ACBD6: variants seen among roughly 807,000 people sequenced by gnomAD.
ACBD6 encodes acyl-CoA-binding domain-containing protein 6.
Under a neutral mutation model 37.2 loss-of-function variants are expected in ACBD6, and 28 were observed. The observed-to-expected ratio is 0.75, with a 90% CI of 0.56 to 1.03. ACBD6 has a LOEUF of 1.03. Among genes scored for constraint, ACBD6 ranks in the 50% least tolerant of loss-of-function variants. ACBD6 has a pLI of 0.00. For missense variants in ACBD6, 340 were observed against 337.4 expected (o/e 1.01, Z -0.06); for synonymous variants, 113 against 126.8 (o/e 0.89, Z 0.73).
At chr1:180,418,783 T>G (rs995436382) in intron 4 of ACBD6, among the ~76,000 whole-genome samples, 5 of 152,206 alleles carry the variant, frequency 3.3e-5, no homozygotes, top group Non-Finnish European at 7.3e-5. Context: ...CAAATGAGAA[T>G]CTATACTATG....
intron 5 of ACBD6, among the ~76,000 whole-genome samples, chr1:180,403,031 T>C (rs1305034666): frequency 3.3e-5 from 5 of 152,176 alleles, no homozygotes; most frequent in African/African-American, 7.2e-5. Context: ...TACTGAACTA[T>C]AGCAATATGG....
At chr1:180,492,778 G>A (rs113580414) in intron 2 of ACBD6, among the ~76,000 whole-genome samples, 14 of 152,202 alleles carry the variant, frequency 9.2e-5, no homozygotes, top group East Asian at 5.8e-4. Flanking sequence ...CATTTTGGTC[G>A]TACAGAAACT....
intron 6 of ACBD6, among the ~76,000 whole-genome samples, chr1:180,387,612 C>G (rs1224328371): frequency 6.6e-6 from 1 of 152,166 alleles, no homozygotes; most frequent in Non-Finnish European, 1.5e-5. Context: ...TTGATAACAC[C>G]TTGATGGGGA....
At chr1:180,341,744 A>G (rs1651991866) in intron 6 of ACBD6, among the ~76,000 whole-genome samples, 2 of 152,020 alleles carry the variant, frequency 1.3e-5, no homozygotes, top group Non-Finnish European at 2.9e-5. Flanking sequence ...AAATTTATAA[A>G]ATACATTATT....
chr1:180,306,528 T>C (rs1475075594), intron 7 of ACBD6, among the ~76,000 whole-genome samples: 3 of 152,190 alleles, frequency 2.0e-5, no homozygotes, highest in African/African-American at 7.2e-5. Flanking sequence ...GAGAAGTTTT[T>C]CCCATTTTTG....
At chr1:180,427,981 T>C (rs1157425544) in intron 4 of ACBD6, among the ~76,000 whole-genome samples, 1 of 151,488 alleles carries the variant, frequency 6.6e-6, no homozygotes, top group African/African-American at 2.4e-5. Context: ...TAATTTGTTA[T>C]AATGGAATTC....
Position 180,502,244 on chromosome 1 carries a change from G to A in ACBD6, c.23C>T (p.Ala8Val). The A allele has an allele frequency of 1.2e-6, 2 of 1,613,636 alleles. No homozygotes were observed. The highest frequency in any genetic ancestry group is 2.2e-5 in the East Asian group (1 of 44,874). The change falls in exon 1 of 8, where the codon GCG (alanine) becomes GTG (valine). Residue 8 changes from alanine to valine, a missense_variant. Physicochemically the swap from Ala to Val is moderately conservative, Grantham distance 64. Coordinates refer to ENST00000367595, the MANE Select transcript of ACBD6 (RefSeq NM_032360.4). ...ACCGCTGTCGCCGGTGATGGCCCCC[G>A]CGGGCAGGAATGATGAAGCCATGTC... MASSFLP[A>V]GAITGDSGGE...
chr1:180,308,238 T>C (rs546338377), intron 7 of ACBD6, among the ~76,000 whole-genome samples: 47 of 152,376 alleles, frequency 3.1e-4, no homozygotes, highest in African/African-American at 8.7e-4. Flanking sequence ...TTTGATTTTA[T>C]ACAGACTTAT....
At chr1:180,473,230 G>A (rs957530937) in intron 3 of ACBD6, among the ~76,000 whole-genome samples, 18 of 151,996 alleles carry the variant, frequency 1.2e-4, no homozygotes, top group Non-Finnish European at 2.5e-4. Flanking sequence ...GGCGGATCAC[G>A]AGGTCAGGAG....
At chr1:180,444,178 A>G (rs1649392045) in intron 3 of ACBD6, among the ~76,000 whole-genome samples, 1 of 151,460 alleles carries the variant, frequency 6.6e-6, no homozygotes, top group Non-Finnish European at 1.5e-5. Flanking sequence ...GGTTATTTTC[A>G]TTTTTTCACT....
chr1:180,447,108 C>T (rs1649504410), intron 3 of ACBD6, among the ~76,000 whole-genome samples: 1 of 152,054 alleles, frequency 6.6e-6, no homozygotes, highest in Non-Finnish European at 1.5e-5. Flanking sequence ...TGCATAAATG[C>T]TTAAATTAGC....
At chr1:180,455,522 T>A (rs568724690) in intron 3 of ACBD6, among the ~76,000 whole-genome samples, 15 of 150,758 alleles carry the variant, frequency 9.9e-5, no homozygotes, top group African/African-American at 2.4e-4. Context: ...AAGTATAATT[T>A]AAAAAAAAAG....
chr1:180,437,630 A>G (rs922242723), intron 3 of ACBD6, among the ~76,000 whole-genome samples: 3 of 152,148 alleles, frequency 2.0e-5, no homozygotes, highest in African/African-American at 7.2e-5. Flanking sequence ...ATTCCACCCA[A>G]TCTGTTATTC....
intron 7 of ACBD6, among the ~76,000 whole-genome samples, chr1:180,307,082 T>C (rs1452297227): frequency 2.0e-5 from 3 of 152,200 alleles, no homozygotes; most frequent in Admixed American, 6.6e-5. Flanking sequence ...CTGTTCACAA[T>C]AGCCAAGATT....
intron 7 of ACBD6, among the ~76,000 whole-genome samples, chr1:180,313,896 A>G (rs767570882): frequency 3.9e-5 from 6 of 152,214 alleles, no homozygotes; most frequent in Non-Finnish European, 7.3e-5. Context: ...AATATCTTTT[A>G]TCTCACTGAA....
At chr1:180,310,849 A>C (rs1650563394) in intron 7 of ACBD6, among the ~76,000 whole-genome samples, 1 of 152,216 alleles carries the variant, frequency 6.6e-6, no homozygotes, top group Non-Finnish European at 1.5e-5. Flanking sequence ...CATGTTGCCA[A>C]TCTGATCGGT....
At chr1:180,494,375 A>G (rs1651644548) in intron 2 of ACBD6, among the ~76,000 whole-genome samples, 1 of 152,224 alleles carries the variant, frequency 6.6e-6, no homozygotes, top group African/African-American at 2.4e-5. Flanking sequence ...CAACGTTAAC[A>G]TCAGGTATTC....
chr1:180,274,082 C>A, exon 11 of ACBD6: 1 of 1,455,216 alleles, frequency 6.9e-7, no homozygotes, highest in Non-Finnish European at 9.6e-7. Flanking sequence ...CAGCTGCCAT[C>A]CTTGGGCATC....
At chr1:180,430,667 A>G (rs1048191139) in intron 3 of ACBD6, among the ~76,000 whole-genome samples, 3 of 151,728 alleles carry the variant, frequency 2.0e-5, no homozygotes, top group East Asian at 3.9e-4. Flanking sequence ...CATTACAGTA[A>G]AAGTTCAAAT....
Sources: gnomAD v4.1 joint callset for allele counts (sites outside exome capture counted in the v4.1 genomes callset) on GRCh38, gnomAD v4.1.1 for gene constraint, MANE v1.5 for transcripts, NCBI Gene and HGNC (gene_info 2026-07-23, HGNC 2026-07-21) for gene names.